Variants in PCCA observed in about 807,000 individuals in gnomAD.
The protein encoded by PCCA is propionyl-CoA carboxylase alpha chain, mitochondrial.
Under a neutral mutation model 101.3 loss-of-function variants are expected in PCCA, and 74 were observed. That is an observed-to-expected ratio of 0.73 (90% CI 0.61 to 0.89). The LOEUF is 0.89. Among genes scored for constraint, PCCA ranks in the 40% least tolerant of loss-of-function variants. The pLI, the probability that PCCA is intolerant of heterozygous loss-of-function variation, is 0.00. For missense variants in PCCA, 891 were observed against 907.0 expected, an observed-to-expected ratio of 0.98 and a Z score of 0.23; for synonymous variants, 294 against 313.6, an observed-to-expected ratio of 0.94 and a Z score of 0.66.
chr13:100,185,862 G>T (rs1442500008), intron 6 of PCCA, among the ~76,000 whole-genome samples: 1 of 152,014 alleles, frequency 6.6e-6, no homozygotes, highest in Non-Finnish European at 1.5e-5. Flanking sequence ...GGTGAGGCTC[G>T]TCTCGAACTC....
chr13:100,162,388 C>T (rs1344116798), intron 6 of PCCA, among the ~76,000 whole-genome samples: 2 of 145,812 alleles, frequency 1.4e-5, no homozygotes, highest in African/African-American at 5.1e-5. Context: ...AATGCCTTGT[C>T]CAGTGTCACA....
rs1014756935 is a variant in PCCA, at chr13:100,273,314, T to G, written c.1033T>G (p.Phe345Val). The change falls in exon 12 of 24, where the codon TTT becomes GTT. Residue 345 changes from phenylalanine (F) to valine (V), a missense_variant. Coordinates refer to ENST00000376285, the MANE Select transcript of PCCA (RefSeq NM_000282.4). Reference sequence around the variant, plus strand: ...GTTCCTTGTGGACTCTAAGAAGAATTTTTATTTCTTGGAAATGAATACAAG... The same window carrying G: ...GTTCCTTGTGGACTCTAAGAAGAATGTTTATTTCTTGGAAATGAATACAAG... ...VEFLVDSKKN[F>V]YFLEMNTRLQ... 1 of 1,613,158 alleles carries G rather than the reference T, an allele frequency of 6.2e-7. No homozygotes were observed. The highest frequency in any genetic ancestry group is 8.5e-7 in the Non-Finnish European group (1 of 1,179,106).
chr13:100,410,466 C>T (rs929438742), intron 19 of PCCA, among the ~76,000 whole-genome samples: 26 of 152,078 alleles, frequency 1.7e-4, no homozygotes, highest in Admixed American at 3.3e-4. Flanking sequence ...TAGTCTTGAT[C>T]ACTTGACCTC....
chr13:100,427,859 A>G (rs2079261351), intron 20 of PCCA, among the ~76,000 whole-genome samples: 1 of 152,206 alleles, frequency 6.6e-6, no homozygotes, highest in Admixed American at 6.5e-5. Context: ...GAAGATAATA[A>G]CAATTGTAGT....
chr13:100,477,814 C>T (rs1436176971), intron 21 of PCCA, among the ~76,000 whole-genome samples: 1 of 152,156 alleles, frequency 6.6e-6, no homozygotes, highest in East Asian at 1.9e-4. Flanking sequence ...TTCTCAGCCT[C>T]TTCATGTGAC....
At chr13:100,162,361 C>A in intron 6 of PCCA, among the ~76,000 whole-genome samples, 1 of 152,084 alleles carries the variant, frequency 6.6e-6, no homozygotes, top group East Asian at 1.9e-4. Context: ...AGAGAACAAT[C>A]TCTGAAAGTT....
chr13:100,210,208 G>A (rs1224948900), intron 7 of PCCA, among the ~76,000 whole-genome samples: 1 of 152,188 alleles, frequency 6.6e-6, no homozygotes, highest in African/African-American at 2.4e-5. Context: ...AAACTCCTGG[G>A]CTGAAGTGAT....
intron 20 of PCCA, among the ~76,000 whole-genome samples, chr13:100,446,002 T>C (rs1315889159): frequency 6.6e-6 from 1 of 152,186 alleles, no homozygotes; most frequent in Admixed American, 6.5e-5. Flanking sequence ...CTGTTTTCCA[T>C]AATGGCTGAA....
At chr13:100,419,918 T>C (rs1222265826) in intron 19 of PCCA, among the ~76,000 whole-genome samples, 1 of 152,242 alleles carries the variant, frequency 6.6e-6, no homozygotes, top group Admixed American at 6.5e-5. Context: ...CAGGGCAAAT[T>C]ATATAATCTT....
chr13:100,325,112 AT>A (rs547153962), intron 16 of PCCA, among the ~76,000 whole-genome samples: 2 of 152,340 alleles, frequency 1.3e-5, no homozygotes, highest in South Asian at 2.1e-4. Flanking sequence ...GTAAAAAAAA[AT>A]AAAATGAAAT....
intron 17 of PCCA, among the ~76,000 whole-genome samples, chr13:100,335,856 A>C (rs2070363767): frequency 6.6e-6 from 1 of 152,116 alleles, no homozygotes; most frequent in South Asian, 2.1e-4. Flanking sequence ...TCCCCAACAA[A>C]ACAGTCCAGC....
chr13:100,446,300 G>T (rs779113155), intron 20 of PCCA, among the ~76,000 whole-genome samples: 10 of 152,066 alleles, frequency 6.6e-5, no homozygotes, highest in Non-Finnish European at 1.3e-4. Context: ...AAAGTGCTGG[G>T]ATTACAGGCA....
intron 6 of PCCA, among the ~76,000 whole-genome samples, chr13:100,204,220 G>A (rs1365886509): frequency 6.6e-6 from 1 of 150,592 alleles, no homozygotes; most frequent in South Asian, 2.1e-4. Flanking sequence ...GCCTCTACCC[G>A]CTGGGCTCAA....
chr13:100,154,013 A>G (rs1023434947), intron 4 of PCCA, among the ~76,000 whole-genome samples: 1 of 152,144 alleles, frequency 6.6e-6, no homozygotes, highest in African/African-American at 2.4e-5. Flanking sequence ...GAAGACTCTA[A>G]CAGAAATACT....
chr13:100,516,736 C>CGTGTGTGTGTGTGTGTGT lies in PCCA; in HGVS notation c.2040+1176_2040+1193dup, dbSNP rs3840000. Among the ~76,000 whole-genome samples the CGTGTGTGTGTGTGTGTGT allele has an allele frequency of 4.1e-5, 6 of 144,970 alleles. No individual in the cohort carries two copies. The South Asian group carries it at 1.4e-3, about 34-fold the overall frequency. ...TTGGGAGAGGCCATAAGAAAAATTA[C>CGTGTGTGTGTGTGTGTGT]GTGTGTGTGTGTGTGTGTGTGTGTA... On this transcript the variant is annotated intron_variant, in intron 22 of 23. Transcript: ENST00000376285.
At chr13:100,381,442 A>G (rs1449628525) in intron 19 of PCCA, among the ~76,000 whole-genome samples, 1 of 152,116 alleles carries the variant, frequency 6.6e-6, no homozygotes, top group African/African-American at 2.4e-5. Flanking sequence ...GAAACCTTCA[A>G]ATGCTATTGG....
At chr13:100,520,259 C>T (rs2087131419) in intron 22 of PCCA, among the ~76,000 whole-genome samples, 1 of 152,220 alleles carries the variant, frequency 6.6e-6, no homozygotes, top group African/African-American at 2.4e-5. Flanking sequence ...CAAGCTCCTC[C>T]ATCTCATTCC....
chr13:100,469,815 A>G (rs1427889586), intron 21 of PCCA, among the ~76,000 whole-genome samples: 1 of 152,110 alleles, frequency 6.6e-6, no homozygotes, highest in Non-Finnish European at 1.5e-5. Flanking sequence ...AAACAAAAAA[A>G]GTTTGATGGC....
intron 11 of PCCA, among the ~76,000 whole-genome samples, chr13:100,270,824 C>T (rs950469025): frequency 6.6e-6 from 1 of 151,970 alleles, no homozygotes; most frequent in Non-Finnish European, 1.5e-5. Context: ...GCCTGGACAA[C>T]GTAGTGGGAC....
Sources: allele counts gnomAD v4.1 joint callset (sites outside exome capture counted in the v4.1 genomes callset), GRCh38; gene constraint gnomAD v4.1.1; transcripts MANE v1.5; gene names NCBI Gene and HGNC (gene_info 2026-07-23, HGNC 2026-07-21).